Variants in PRKCQ observed in about 807,000 individuals in gnomAD.
PRKCQ encodes the protein protein kinase C theta, also known as protein kinase C theta type.
In PRKCQ, 41 loss-of-function variants were observed where a neutral mutation model predicts 91.2. The ratio of observed to expected loss-of-function variants is 0.45; its 90% confidence interval spans 0.35 to 0.58. The LOEUF is 0.58. Ranked by LOEUF, PRKCQ falls within the 20% of genes least tolerant of loss-of-function variation. PRKCQ has a pLI of 0.00. For synonymous variants in PRKCQ, 307 were observed against 316.9 expected (o/e 0.97, Z 0.33); for missense variants, 673 against 896.5 (o/e 0.75, Z 3.18).
At chr10:6,399,831 A>C in the PRKCQ span, among the ~76,000 whole-genome samples, 18 of 152,188 alleles carry the variant, frequency 1.2e-4, no homozygotes, top group African/African-American at 4.3e-4. Context: ...CCATTCCTAC[A>C]GGGTAGACAA....
chr10:6,447,844 A>G (rs1042689168), intron 15 of PRKCQ, among the ~76,000 whole-genome samples: 1 of 152,200 alleles, frequency 6.6e-6, no homozygotes, highest in Non-Finnish European at 1.5e-5. Context: ...GAACACTCAT[A>G]AAGACCCTGC....
At chr10:6,460,035 A>G (rs1271389999) in intron 14 of PRKCQ, among the ~76,000 whole-genome samples, 1 of 152,264 alleles carries the variant, frequency 6.6e-6, no homozygotes, top group Non-Finnish European at 1.5e-5. Flanking sequence ...TCAACTTATT[A>G]TAAGGCAACT....
In PRKCQ at chr10:6,428,070, T is replaced by C; in HGVS notation, c.*137A>G. The C allele has an allele frequency of 2.8e-6, 3 of 1,084,756 alleles. No homozygotes were observed. The highest frequency in any genetic ancestry group is 4.0e-6 in the Non-Finnish European group (3 of 751,886). 67.2% of individuals were successfully genotyped at this position (1,084,756 alleles called of 1,614,324 possible). A position where few individuals can be genotyped will look rare whatever the true frequency, so the allele number is the denominator to read the frequency against. Reference sequence around the variant, plus strand: ...GTTTCTGCTACAGATAAAAGTCACATGGGGGCGAACGGGTCTCAGTCTTTA... The same window carrying C: ...GTTTCTGCTACAGATAAAAGTCACACGGGGGCGAACGGGTCTCAGTCTTTA... On this transcript the variant is annotated 3_prime_UTR_variant, in exon 18 of 18. Transcript: ENST00000263125.
chr10:6,495,676 G>A (rs1374189582), intron 7 of PRKCQ, among the ~76,000 whole-genome samples: 1 of 152,084 alleles, frequency 6.6e-6, no homozygotes, highest in Non-Finnish European at 1.5e-5. Context: ...GGAAGAATGC[G>A]GTATCTTCCA....
chr10:6,572,877 C>G (rs1285761206), intron 1 of PRKCQ, among the ~76,000 whole-genome samples: 1 of 152,100 alleles, frequency 6.6e-6, no homozygotes, highest in African/African-American at 2.4e-5. Context: ...TCCTATTTCT[C>G]TGCAACTTTG....
At chr10:6,536,559 G>A (rs1057003412) in intron 1 of PRKCQ, among the ~76,000 whole-genome samples, 4 of 152,104 alleles carry the variant, frequency 2.6e-5, no homozygotes, top group Admixed American at 6.5e-5. Flanking sequence ...AGTAAAATAC[G>A]ATTTTATTAT....
intron 14 of PRKCQ, among the ~76,000 whole-genome samples, chr10:6,460,313 T>C (rs921678502): frequency 3.3e-5 from 5 of 152,040 alleles, no homozygotes; most frequent in African/African-American, 1.2e-4. Context: ...TTTTTTTTGT[T>C]CTGAGTGTTA....
At chr10:6,536,788 A>G (rs1839599921) in intron 1 of PRKCQ, among the ~76,000 whole-genome samples, 1 of 152,198 alleles carries the variant, frequency 6.6e-6, no homozygotes, top group Admixed American at 6.5e-5. Flanking sequence ...TTGAAATTCC[A>G]ATAGGTTTTC....
rs145620177 is a variant in PRKCQ at position 6,557,621 on chromosome 10, C to G, written c.-10+22590G>C. On this transcript the variant is annotated intron_variant, in intron 1 of 17. Coordinates refer to ENST00000263125, the MANE Select transcript of PRKCQ (RefSeq NM_006257.5). ...ATCTATTTTGATGGCTCCTATGACC[C>G]TCTACCTAGTAGTAGCCTCAAAAAG... 1.5e-3 allele frequency among the ~76,000 whole-genome samples: 229 copies of G among 152,266 alleles called. 1 individual carries two copies. Among genetic ancestry groups the G allele is most frequent in the African/African-American group, 5.3e-3 (222 of 41,548 alleles).
intron 1 of PRKCQ, among the ~76,000 whole-genome samples, chr10:6,540,643 G>A (rs1030239382): frequency 6.6e-6 from 1 of 152,178 alleles, no homozygotes; most frequent in African/African-American, 2.4e-5. Context: ...CTCTGCTGAT[G>A]AACATTTGGG....
Position 6,497,141 on chromosome 10 carries a change from A to G in PRKCQ, c.575-21T>C, listed in dbSNP as rs1837666982. 1 of 1,613,702 alleles carries G rather than the reference A, an allele frequency of 6.2e-7. No homozygotes were observed. The highest frequency in any genetic ancestry group is 1.7e-5 in the Admixed American group (1 of 59,998). Reference sequence around the variant, plus strand: ...GCATTCTGAAAAGAAGAAAAAAATCACAGCTTAAGATTTTCATAGCCTAAG... The same window carrying G: ...GCATTCTGAAAAGAAGAAAAAAATCGCAGCTTAAGATTTTCATAGCCTAAG... On this transcript the variant is annotated intron_variant, in intron 6 of 17. Coordinates refer to ENST00000263125, the MANE Select transcript of PRKCQ (RefSeq NM_006257.5). This position sits in a 1 kb window ranked among gnomAD's most constrained non-coding sequence, Gnocchi z 4.5.
chr10:6,419,341 TC>T, the PRKCQ span, among the ~76,000 whole-genome samples: 26,380 of 152,224 alleles, frequency 0.17, 2,596 homozygotes, highest in Non-Finnish European at 0.23. Context: ...TAGTTGTTTC[TC>T]CTTACCGTAT....
At chr10:6,568,395 CTA>C (rs1253474419) in intron 1 of PRKCQ, among the ~76,000 whole-genome samples, 1 of 151,844 alleles carries the variant, frequency 6.6e-6, no homozygotes, top group East Asian at 1.9e-4. Context: ...TGAATTTTTG[CTA>C]TGTCTACATT....
chr10:6,447,280 G>T (rs536855210), intron 15 of PRKCQ, among the ~76,000 whole-genome samples: 5 of 151,778 alleles, frequency 3.3e-5, no homozygotes, highest in Non-Finnish European at 2.9e-5. Flanking sequence ...GGTGGCACGC[G>T]CCTGTAGTCC....
chr10:6,447,516 T>C (rs1350655170), intron 15 of PRKCQ, among the ~76,000 whole-genome samples: 3 of 152,088 alleles, frequency 2.0e-5, no homozygotes, highest in Admixed American at 6.5e-5. Flanking sequence ...GCTCCTATTA[T>C]AGGAACACAG....
intron 17 of PRKCQ, among the ~76,000 whole-genome samples, chr10:6,429,901 G>T (rs1175954878): frequency 7.1e-6 from 1 of 140,276 alleles, no homozygotes; most frequent in African/African-American, 2.5e-5. Context: ...ACTTAATTTT[G>T]TAGAGATGGG....
chr10:6,456,837 C>A (rs2296123), intron 14 of PRKCQ, 25 bp from the exon 15 acceptor site: 1 of 1,611,156 alleles, frequency 6.2e-7, no homozygotes, highest in Non-Finnish European at 8.5e-7. Context: ...TGAAGCAAAT[C>A]TCACATTAAT....
chr10:6,509,716 C>T (rs1838374101), intron 3 of PRKCQ, among the ~76,000 whole-genome samples: 1 of 152,186 alleles, frequency 6.6e-6, no homozygotes, highest in Non-Finnish European at 1.5e-5. Context: ...GCCCCAGGAA[C>T]CCTTTTCCCA....
At chr10:6,413,682 GCACA>G in the PRKCQ span, among the ~76,000 whole-genome samples, 9 of 98,078 alleles carry the variant, frequency 9.2e-5, 2 homozygotes, top group African/African-American at 1.9e-4. Flanking sequence ...TGCCACTTGT[GCACA>G]CACACACACT....
Sources: allele counts gnomAD v4.1 joint callset (sites outside exome capture counted in the v4.1 genomes callset), GRCh38; gene constraint gnomAD v4.1.1; non-coding constraint Gnocchi (gnomAD v3.1); transcripts MANE v1.5; gene names NCBI Gene and HGNC (gene_info 2026-07-23, HGNC 2026-07-21).